PLEKHA5: variants seen among roughly 807,000 people sequenced by gnomAD.
PLEKHA5 encodes the protein pleckstrin homology domain-containing family A member 5.
In PLEKHA5, 55 loss-of-function variants were observed where a neutral mutation model predicts 181.9. That is an observed-to-expected ratio of 0.30 (90% CI 0.24 to 0.38). The LOEUF (loss-of-function observed/expected upper bound fraction) is 0.38, where lower values mean the gene tolerates loss of function less well. Among genes scored for constraint, PLEKHA5 ranks in the 10% least tolerant of loss-of-function variants. PLEKHA5 has a pLI of 1.00. For missense variants in PLEKHA5, 1,432 were observed against 1,549.5 expected (o/e 0.92, Z 1.27); for synonymous variants, 535 against 529.4 (o/e 1.01, Z -0.15).
intron 18 of PLEKHA5, among the ~76,000 whole-genome samples, chr12:19,321,165 CAAA>C (rs964771312): frequency 1.6e-5 from 2 of 127,722 alleles, no homozygotes; most frequent in Admixed American, 7.9e-5. Flanking sequence ...GACCCTGCCT[CAAA>C]AAAAAAAAAA....
At chr12:19,341,366 C>G (rs1408197994) in intron 21 of PLEKHA5, among the ~76,000 whole-genome samples, 1 of 152,084 alleles carries the variant, frequency 6.6e-6, no homozygotes, top group East Asian at 1.9e-4. Context: ...GCATTGTATA[C>G]CGTTTCAGAT....
In PLEKHA5 at chr12:19,368,449, C is replaced by T. The variant is rs146190890; in HGVS notation, c.3755-1244C>T. Among the ~76,000 whole-genome samples the T allele has an allele frequency of 6.6e-3, 1,009 of 151,926 alleles. 10 individuals carry two copies. The highest frequency in any genetic ancestry group is 0.023 in the African/African-American group (955 of 41,422). ...GTTGAGGCTACAATGAGCTGTGTGA[C>T]TGCATTACTGCTTTCCAGCCTGAGC... On this transcript the variant is annotated intron_variant, in intron 30 of 31. Transcript: ENST00000429027.
chr12:19,254,779 C>T (rs1001700290), intron 4 of PLEKHA5, among the ~76,000 whole-genome samples: 19 of 152,316 alleles, frequency 1.2e-4, no homozygotes, highest in African/African-American at 3.8e-4. Context: ...ACCAAGATTA[C>T]GCCACTGCAC....
intron 20 of PLEKHA5, 57 bp downstream of exon 20, chr12:19,322,724 T>G: frequency 8.0e-7 from 1 of 1,252,230 alleles, no homozygotes; most frequent in Admixed American, 2.1e-5. Flanking sequence ...AGTTCTATTT[T>G]CTTCTCTTTT....
intron 3 of PLEKHA5, among the ~76,000 whole-genome samples, chr12:19,161,037 G>C (rs1314560281): frequency 6.6e-6 from 1 of 152,068 alleles, no homozygotes; most frequent in Non-Finnish European, 1.5e-5. Context: ...ATCTTTTATT[G>C]AAATGTCCAA....
At chr12:19,221,118 A>G (rs1302582833) in intron 3 of PLEKHA5, among the ~76,000 whole-genome samples, 3 of 152,196 alleles carry the variant, frequency 2.0e-5, no homozygotes, top group African/African-American at 4.8e-5. Flanking sequence ...TAGTCTTACC[A>G]TATGATTCTG....
At chr12:19,165,520 C>T (rs1319172330) in intron 3 of PLEKHA5, among the ~76,000 whole-genome samples, 1 of 151,694 alleles carries the variant, frequency 6.6e-6, no homozygotes, top group East Asian at 1.9e-4. Flanking sequence ...GTTATGGCCT[C>T]CTAGACATCA....
At chr12:19,249,439 A>G (rs2064680844) in intron 3 of PLEKHA5, among the ~76,000 whole-genome samples, 1 of 152,186 alleles carries the variant, frequency 6.6e-6, no homozygotes, top group Non-Finnish European at 1.5e-5. Context: ...ATGGAGCAGG[A>G]TGGAGAGAGA....
In PLEKHA5 at chr12:19,375,937, T is replaced by C. The variant is rs2095700173; in HGVS notation, c.*418T>C. ...TATTTCCATTGAAGCTTGTTTTCTTTTTTTTCTTCCCATTTTAGCTACTGC... is the reference window on the plus strand; with the variant it reads ...TATTTCCATTGAAGCTTGTTTTCTTCTTTTTCTTCCCATTTTAGCTACTGC... On this transcript the variant is annotated 3_prime_UTR_variant, in exon 32 of 32. Coordinates refer to ENST00000429027, the MANE Select transcript of PLEKHA5 (RefSeq NM_001256470.2). The C allele has an allele frequency of 6.6e-6, 1 of 152,488 alleles. No individual in the cohort carries two copies. The highest frequency in any genetic ancestry group is 1.5e-5 in the Non-Finnish European group (1 of 68,004). 9.4% of individuals were successfully genotyped at this position (152,488 alleles called of 1,614,324 possible).
chr12:19,367,881 C>T (rs867700949), intron 30 of PLEKHA5, among the ~76,000 whole-genome samples: 5 of 151,958 alleles, frequency 3.3e-5, no homozygotes, highest in South Asian at 2.1e-4. Flanking sequence ...CCACTGCGCC[C>T]GGCCCAGCTT....
At chr12:19,157,627 G>A (rs2042056403) in intron 3 of PLEKHA5, among the ~76,000 whole-genome samples, 1 of 152,070 alleles carries the variant, frequency 6.6e-6, no homozygotes, top group South Asian at 2.1e-4. Context: ...ATATGCATAT[G>A]TCATTTATTG....
At chr12:19,332,782 C>T (rs919632721) in intron 20 of PLEKHA5, among the ~76,000 whole-genome samples, 1 of 152,220 alleles carries the variant, frequency 6.6e-6, no homozygotes, top group East Asian at 1.9e-4. Flanking sequence ...ACCTCAGCCT[C>T]CCAAGTAGCT....
chr12:19,322,204 AC>A, intron 18 of PLEKHA5, 105 bp from the exon 19 acceptor site: 1 of 692,820 alleles, frequency 1.4e-6, no homozygotes, highest in Non-Finnish European at 2.5e-6. Context: ...CTATATTTTA[AC>A]TTTTATTGAT....
chr12:19,274,427 G>A (rs562506246), intron 10 of PLEKHA5, 89 bp from the exon 11 acceptor site: 16 of 882,298 alleles, frequency 1.8e-5, no homozygotes, highest in East Asian at 1.0e-4. Context: ...CCCCACCCCC[G>A]TAAAGTATAA....
intron 3 of PLEKHA5, among the ~76,000 whole-genome samples, chr12:19,187,932 G>T (rs577912063): frequency 3.3e-5 from 5 of 152,304 alleles, no homozygotes; most frequent in African/African-American, 1.2e-4. Context: ...TGCCTAGTAA[G>T]TGGTGGCTGA....
chr12:19,166,220 T>C (rs1340390688), intron 3 of PLEKHA5, among the ~76,000 whole-genome samples: 1 of 152,148 alleles, frequency 6.6e-6, no homozygotes, highest in Non-Finnish European at 1.5e-5. Context: ...AGTTTTAAAT[T>C]AGAGCAGGGT....
At chr12:19,135,547 C>A (rs1236587680) in intron 3 of PLEKHA5, among the ~76,000 whole-genome samples, 1 of 152,152 alleles carries the variant, frequency 6.6e-6, no homozygotes, top group Admixed American at 6.5e-5. Flanking sequence ...TATCCTCCCT[C>A]TTTAAGCTTT....
chr12:19,201,237 C>G (rs559746192), intron 3 of PLEKHA5: 1 of 152,086 alleles, frequency 6.6e-6, no homozygotes, highest in East Asian at 1.9e-4. Context: ...AGCCAGTGAG[C>G]ACATGAAAAG....
chr12:19,358,512 T>A, intron 27 of PLEKHA5, 75 bp downstream of exon 27: 1 of 934,738 alleles, frequency 1.1e-6, no homozygotes. Flanking sequence ...GTTACATGAT[T>A]GATAGGTCTT....
Sources: allele counts gnomAD v4.1 joint callset (sites outside exome capture counted in the v4.1 genomes callset), GRCh38; gene constraint gnomAD v4.1.1; transcripts MANE v1.5; gene names NCBI Gene and HGNC (gene_info 2026-07-23, HGNC 2026-07-21).